Variants in PCDH9 observed in about 807,000 individuals in gnomAD.
The protein encoded by PCDH9 is protocadherin-9.
In PCDH9, 24 loss-of-function variants were observed where a neutral mutation model predicts 70.6. That is an observed-to-expected ratio of 0.34 (90% CI 0.25 to 0.48). PCDH9 has a LOEUF of 0.48. Among genes scored for constraint, PCDH9 ranks in the 20% least tolerant of loss-of-function variants. The probability of loss-of-function intolerance (pLI) is 0.99; values close to 1 mark genes in which losing one functional copy is unlikely to be tolerated. For missense variants in PCDH9, 1,281 were observed against 1,503.6 expected (o/e 0.85, Z 2.45); for synonymous variants, 562 against 558.5 (o/e 1.01, Z -0.09).
chr13:67,038,719 C>T (rs1270153030), intron 2 of PCDH9, among the ~76,000 whole-genome samples: 1 of 152,068 alleles, frequency 6.6e-6, no homozygotes, highest in Non-Finnish European at 1.5e-5. Flanking sequence ...TGATCTTTGC[C>T]CCTAGTTTCT....
chr13:66,931,765 A>G (rs909434653), intron 2 of PCDH9, among the ~76,000 whole-genome samples: 1 of 152,026 alleles, frequency 6.6e-6, no homozygotes, highest in African/African-American at 2.4e-5. Context: ...AACTAAGTGT[A>G]CTCTGGTTTA....
chr13:66,817,827 C>A (rs1314263275), intron 3 of PCDH9, among the ~76,000 whole-genome samples: 2 of 152,102 alleles, frequency 1.3e-5, no homozygotes, highest in Middle Eastern at 3.2e-3. Context: ...AGGGTTTCAT[C>A]ATGTTGCCCA....
At chr13:66,940,933 T>C (rs1414475973) in intron 2 of PCDH9, among the ~76,000 whole-genome samples, 3 of 152,010 alleles carry the variant, frequency 2.0e-5, no homozygotes, top group Non-Finnish European at 4.4e-5. Context: ...TTCTTATGAA[T>C]AAACTGGCCA....
intron 4 of PCDH9, among the ~76,000 whole-genome samples, chr13:66,432,566 T>C (rs1427646189): frequency 6.6e-6 from 1 of 151,930 alleles, no homozygotes; most frequent in Non-Finnish European, 1.5e-5. Flanking sequence ...TGGAAAGGCA[T>C]CTATTTATGT....
At chr13:66,510,628 G>A (rs1341548793) in intron 4 of PCDH9, among the ~76,000 whole-genome samples, 1 of 152,064 alleles carries the variant, frequency 6.6e-6, no homozygotes, top group Admixed American at 6.6e-5. Context: ...TTTTGTCCTT[G>A]CGATAGTTTG....
At chr13:66,914,453 T>G in intron 2 of PCDH9, 1 of 151,914 alleles carries the variant, frequency 6.6e-6, no homozygotes, top group East Asian at 1.9e-4. Flanking sequence ...TTCTCTGATT[T>G]ATCCTCATGA....
At chr13:67,075,205 T>C (rs1594475677) in intron 2 of PCDH9, among the ~76,000 whole-genome samples, 1 of 152,168 alleles carries the variant, frequency 6.6e-6, no homozygotes, top group East Asian at 1.9e-4. Context: ...TTTCTTTCTT[T>C]TGAAATTGTT....
chr13:66,828,999 T>C (rs2080874848), intron 3 of PCDH9, among the ~76,000 whole-genome samples: 1 of 145,798 alleles, frequency 6.9e-6, no homozygotes, highest in Non-Finnish European at 1.5e-5. Context: ...AAAGAAAGAT[T>C]CTGTGGGTCT....
At chr13:66,816,811 G>A (rs571946963) in intron 3 of PCDH9, among the ~76,000 whole-genome samples, 102 of 151,670 alleles carry the variant, frequency 6.7e-4, no homozygotes, top group Admixed American at 2.9e-3. Flanking sequence ...TTAAATCCCC[G>A]TGGATTGAAA....
At chr13:67,168,000 C>T (rs1208486428) in intron 2 of PCDH9, among the ~76,000 whole-genome samples, 1 of 152,134 alleles carries the variant, frequency 6.6e-6, no homozygotes, top group Non-Finnish European at 1.5e-5. Context: ...CATAAAGAAA[C>T]AAACGATTTG....
chr13:66,439,787 A>T (rs1957940757), intron 4 of PCDH9, among the ~76,000 whole-genome samples: 1 of 152,136 alleles, frequency 6.6e-6, no homozygotes, highest in Non-Finnish European at 1.5e-5. Flanking sequence ...TTAATTTCTC[A>T]CCACCAACTC....
intron 4 of PCDH9, among the ~76,000 whole-genome samples, chr13:66,596,252 T>C (rs903379582): frequency 6.6e-6 from 1 of 151,664 alleles, no homozygotes; most frequent in Non-Finnish European, 1.5e-5. Flanking sequence ...GAAAAATTGT[T>C]ATTACAGGCC....
intron 2 of PCDH9, among the ~76,000 whole-genome samples, chr13:66,911,872 T>A (rs1034888610): frequency 6.6e-6 from 1 of 152,178 alleles, no homozygotes; most frequent in Non-Finnish European, 1.5e-5. Flanking sequence ...TAAATACTTC[T>A]CTTCAAACGT....
intron 4 of PCDH9, among the ~76,000 whole-genome samples, chr13:66,527,827 G>A (rs1485548747): frequency 6.6e-6 from 1 of 152,110 alleles, no homozygotes; most frequent in African/African-American, 2.4e-5. Context: ...AGACCAGCCT[G>A]GGGAACATGG....
At chr13:66,578,707 C>G (rs926881583) in intron 4 of PCDH9, among the ~76,000 whole-genome samples, 1 of 152,048 alleles carries the variant, frequency 6.6e-6, no homozygotes, top group Non-Finnish European at 1.5e-5. Flanking sequence ...TTTGAATGGT[C>G]CATTAAACAT....
At chr13:66,710,722 G>T (rs527718466) in intron 3 of PCDH9, among the ~76,000 whole-genome samples, 2 of 152,236 alleles carry the variant, frequency 1.3e-5, no homozygotes, top group African/African-American at 2.4e-5. Flanking sequence ...TATTAGGGCT[G>T]CCTTCCTCTT....
At position 66,393,543 on chromosome 13, in the gene PCDH9, T is replaced by C. The variant is rs543532581; in HGVS notation, c.3341-88515A>G. 3.1e-3 allele frequency among the ~76,000 whole-genome samples: 476 copies of C among 152,290 alleles called. 2 individuals are homozygous for C. Among genetic ancestry groups the C allele is most frequent in the Non-Finnish European group, 4.9e-3 (333 of 68,014 alleles). On this transcript the variant is annotated intron_variant, in intron 4 of 4. Coordinates refer to ENST00000377865, the MANE Select transcript of PCDH9 (RefSeq NM_203487.3). The stretch of plus-strand genomic sequence containing the variant: ...ATAGGAGATTCATGTCCTTAGGGAA[T>C]GCCCACAGGAATCCAAAGTAGCTTT...
At chr13:66,673,606 G>T (rs1490305353) in intron 3 of PCDH9, among the ~76,000 whole-genome samples, 1 of 152,156 alleles carries the variant, frequency 6.6e-6, no homozygotes, top group Non-Finnish European at 1.5e-5. Flanking sequence ...CTACTTCAAA[G>T]ACCTCAGAAG....
chr13:66,884,188 G>A (rs1011453005), intron 3 of PCDH9, among the ~76,000 whole-genome samples: 15 of 152,074 alleles, frequency 9.9e-5, no homozygotes, highest in African/African-American at 2.7e-4. Flanking sequence ...ATGAGCCACC[G>A]TGCCTGGCCA....
Sources: allele counts gnomAD v4.1 joint callset (sites outside exome capture counted in the v4.1 genomes callset), GRCh38; gene constraint gnomAD v4.1.1; transcripts MANE v1.5; gene names NCBI Gene and HGNC (gene_info 2026-07-23, HGNC 2026-07-21).